The following FAT3 variants were observed in gnomAD, a reference collection of about 807,000 sequenced individuals.
FAT3 encodes protocadherin Fat 3.
A neutral mutation model predicts 310.2 loss-of-function variants in FAT3; 95 were observed. The observed-to-expected ratio is 0.31, with a 90% CI of 0.26 to 0.36. FAT3 has a LOEUF of 0.36. FAT3 is among the 10% of genes least tolerant of loss of function. The pLI, the probability that FAT3 is intolerant of heterozygous loss-of-function variation, is 1.00. For missense variants in FAT3, 5,408 were observed against 5,715.6 expected, an observed-to-expected ratio of 0.95 and a Z score of 1.74; for synonymous variants, 2,314 against 2,192.9, an observed-to-expected ratio of 1.06 and a Z score of -1.54.
At chr11:92,248,145 C>T (rs1864998037) in intron 1 of FAT3, among the ~76,000 whole-genome samples, 1 of 152,056 alleles carries the variant, frequency 6.6e-6, no homozygotes, top group Non-Finnish European at 1.5e-5. Flanking sequence ...TCCTTTTTCC[C>T]TCAGTCTTAC....
chr11:92,657,019 A>G (rs915014303), intron 3 of FAT3, among the ~76,000 whole-genome samples: 1 of 152,208 alleles, frequency 6.6e-6, no homozygotes, highest in Admixed American at 6.5e-5. Context: ...ACAAAAGAAA[A>G]TGTACCAGTA....
intron 3 of FAT3, among the ~76,000 whole-genome samples, chr11:92,594,910 A>G (rs1939624554): frequency 1.3e-5 from 2 of 152,096 alleles, no homozygotes; most frequent in East Asian, 3.9e-4. Flanking sequence ...AATGTATAGT[A>G]TGGTTAGCTT....
chr11:92,414,397 A>T (rs1466117737), intron 2 of FAT3, among the ~76,000 whole-genome samples: 1 of 152,196 alleles, frequency 6.6e-6, no homozygotes, highest in African/African-American at 2.4e-5. Context: ...GTCAATACAG[A>T]GTACTTTAAG....
chr11:92,605,081 A>T (rs494316), intron 3 of FAT3, among the ~76,000 whole-genome samples: 7 of 151,934 alleles, frequency 4.6e-5, no homozygotes, highest in Admixed American at 4.6e-4. Flanking sequence ...TTCCCCAGTA[A>T]CTGCACCATC....
chr11:92,495,509 A>T (rs1400987296), intron 2 of FAT3, among the ~76,000 whole-genome samples: 1 of 152,082 alleles, frequency 6.6e-6, no homozygotes, highest in East Asian at 1.9e-4. Context: ...GGAGCACATT[A>T]TCTCTAGTTT....
rs761742609 is a variant in FAT3 at position 92,883,050 on chromosome 11, C to T, written c.12594C>T (p.Ala4198=). 2.5e-6 allele frequency: 4 copies of T among 1,613,932 alleles called. No individual in the cohort carries two copies. The highest frequency in any genetic ancestry group is 2.2e-5 in the South Asian group (2 of 91,088). The change falls in exon 24 of 28, where the codon GCC becomes GCT. Residue 4198 remains alanine, a synonymous_variant. Transcript: ENST00000525166. The surrounding 1 kb of genome is among the most constrained non-coding windows in gnomAD (Gnocchi z 4.2). ...CGCTAGTGCAGGACCCGGCCACCGC[C>T]GCCCTGCTTAACAAGAGCAATGGCA... ...NITLVQDPAT[A]ALLNKSNGIP...
chr11:92,632,520 A>G (rs1941593491), intron 3 of FAT3, among the ~76,000 whole-genome samples: 1 of 152,214 alleles, frequency 6.6e-6, no homozygotes, highest in Non-Finnish European at 1.5e-5. Flanking sequence ...GCATTTGTTG[A>G]ACTCGACCTG....
chr11:92,522,231 G>A (rs1953709396), intron 2 of FAT3, among the ~76,000 whole-genome samples: 1 of 152,116 alleles, frequency 6.6e-6, no homozygotes, highest in South Asian at 2.1e-4. Context: ...TCTATGACTT[G>A]CAGAGCTCCA....
At chr11:92,573,600 T>G (rs1289628738) in intron 3 of FAT3, among the ~76,000 whole-genome samples, 1 of 152,108 alleles carries the variant, frequency 6.6e-6, no homozygotes, top group Non-Finnish European at 1.5e-5. Context: ...AATCTAATGA[T>G]GAGTGTCCTT....
At chr11:92,790,980 T>A (rs1436260487) in intron 8 of FAT3, among the ~76,000 whole-genome samples, 1 of 152,294 alleles carries the variant, frequency 6.6e-6, no homozygotes, top group East Asian at 1.9e-4. Flanking sequence ...AGACTTAATC[T>A]TCTGCACTGA....
chr11:92,515,897 A>C (rs1490670162), intron 2 of FAT3, among the ~76,000 whole-genome samples: 2 of 152,104 alleles, frequency 1.3e-5, no homozygotes, highest in Non-Finnish European at 2.9e-5. Context: ...TATGTACAAA[A>C]CTATGGAATT....
intron 2 of FAT3, among the ~76,000 whole-genome samples, chr11:92,505,113 G>C (rs1449319755): frequency 6.6e-6 from 1 of 152,072 alleles, no homozygotes; most frequent in East Asian, 1.9e-4. Context: ...GTGAGTGGAG[G>C]GAGATGAGGT....
In FAT3 at chr11:92,838,305, G is replaced by T. The variant is rs146946888; in HGVS notation, c.10368+499G>T. 2.1e-3 allele frequency among the ~76,000 whole-genome samples: 318 copies of T among 152,284 alleles called. 1 individual carries two copies. Among genetic ancestry groups the T allele is most frequent in the African/African-American group, 7.4e-3 (306 of 41,562 alleles). Reference sequence around the variant, plus strand: ...CAGTCAAAGACAGATTGGGCATCAGGATAGAGCTGGTACTCATTAAAATTA... The same window carrying T: ...CAGTCAAAGACAGATTGGGCATCAGTATAGAGCTGGTACTCATTAAAATTA... On this transcript the variant is annotated intron_variant, in intron 17 of 27. Transcript: ENST00000525166.
chr11:92,798,643 A>T lies in FAT3; in HGVS notation c.5630A>T (p.Asn1877Ile). ...VEVNIEVTDV[N>I]DNPPVFTQAV... Reference sequence around the variant, plus strand: ...GTCAACATTGAGGTGACAGATGTGAATGATAACCCACCTGTTTTTACTCAG... The same window carrying T: ...GTCAACATTGAGGTGACAGATGTGATTGATAACCCACCTGTTTTTACTCAG... The change falls in exon 10 of 28, where the codon AAT becomes ATT. Residue 1877 changes from asparagine (N) to isoleucine (I), a missense_variant. Coordinates refer to ENST00000525166, the MANE Select transcript of FAT3 (RefSeq NM_001367949.2). 6.2e-7 allele frequency: 1 copy of T among 1,613,730 alleles called. No individual in the cohort carries two copies. The highest frequency in any genetic ancestry group is 8.5e-7 in the Non-Finnish European group (1 of 1,179,832).
In FAT3 at chr11:92,352,102, A is replaced by C. The variant is rs1948583680; in HGVS notation, c.-11A>C. 2.3e-6 allele frequency: 3 copies of C among 1,312,424 alleles called. No homozygotes were observed. Among genetic ancestry groups the C allele is most frequent in the Non-Finnish European group, 3.0e-6 (3 of 993,132 alleles). The allele number at this position is 1,312,424 out of a possible 1,614,324, so 81.3% of individuals were successfully genotyped here. Reference sequence around the variant, plus strand: ...CTCTCTTTCTTCCCTCCAGGATGGAAGTATGATGTGATGGATATAATTATG... The same window carrying C: ...CTCTCTTTCTTCCCTCCAGGATGGACGTATGATGTGATGGATATAATTATG... On this transcript the variant is annotated 5_prime_UTR_variant, in exon 2 of 28. Coordinates refer to ENST00000525166, the MANE Select transcript of FAT3 (RefSeq NM_001367949.2).
At chr11:92,751,062 G>C (rs1356529836) in intron 4 of FAT3, among the ~76,000 whole-genome samples, 4 of 152,162 alleles carry the variant, frequency 2.6e-5, no homozygotes, top group Admixed American at 2.6e-4. Context: ...TGCCATCCCT[G>C]CACAGGACAT....
chr11:92,575,740 C>T (rs894017322), intron 3 of FAT3, among the ~76,000 whole-genome samples: 11 of 152,222 alleles, frequency 7.2e-5, no homozygotes, highest in African/African-American at 2.4e-4. Context: ...CTTCCCCTCC[C>T]TCTTCCCTGA....
At chr11:92,653,140 C>T (rs943056092) in intron 3 of FAT3, among the ~76,000 whole-genome samples, 4 of 152,158 alleles carry the variant, frequency 2.6e-5, no homozygotes, top group Non-Finnish European at 5.9e-5. Context: ...GCTTAGGCAA[C>T]AGAGCAAAAC....
chr11:92,479,106 A>G (rs963717079), intron 2 of FAT3, among the ~76,000 whole-genome samples: 1 of 149,926 alleles, frequency 6.7e-6, no homozygotes, highest in Admixed American at 6.7e-5. Context: ...GGCTCAAACA[A>G]TCCACCCATC....
Sources: gnomAD v4.1 joint callset for allele counts (sites outside exome capture counted in the v4.1 genomes callset) on GRCh38, gnomAD v4.1.1 for gene constraint, Gnocchi (gnomAD v3.1) non-coding constraint, MANE v1.5 for transcripts, NCBI Gene and HGNC (gene_info 2026-07-23, HGNC 2026-07-21) for gene names.